Variants in MSRA observed in about 807,000 individuals in gnomAD.
MSRA encodes the protein methionine sulfoxide reductase A, also known as mitochondrial peptide methionine sulfoxide reductase.
Under a neutral mutation model 31.3 loss-of-function variants are expected in MSRA, and 54 were observed. The ratio of observed to expected loss-of-function variants is 1.73; its 90% CI spans 1.39 to 2.17. MSRA has a LOEUF of 2.17. MSRA is among the 30% of genes most tolerant of loss of function. The pLI is 0.00. For synonymous variants in MSRA, 169 were observed against 116.5 expected (o/e 1.45, Z -2.90); for missense variants, 507 against 300.9 (o/e 1.69, Z -5.07).
intron 1 of MSRA, among the ~76,000 whole-genome samples, chr8:10,054,999 C>T (rs1585051867): frequency 6.6e-6 from 1 of 152,324 alleles, no homozygotes; most frequent in Admixed American, 6.5e-5. Flanking sequence ...TGCTCGCGGG[C>T]GCCCGCGGCG....
intron 3 of MSRA, among the ~76,000 whole-genome samples, chr8:10,269,875 T>C (rs1798938636): frequency 1.3e-5 from 2 of 152,072 alleles, no homozygotes; most frequent in South Asian, 4.1e-4. Flanking sequence ...ATGGTCTCGA[T>C]CTCCTGACCT....
chr8:10,321,769 C>T (rs1027490557), intron 5 of MSRA, among the ~76,000 whole-genome samples: 1 of 152,114 alleles, frequency 6.6e-6, no homozygotes, highest in Non-Finnish European at 1.5e-5. Context: ...AGGACAAAAG[C>T]CTGCCAAGAA....
At chr8:10,092,331 T>C (rs946726368) in intron 1 of MSRA, among the ~76,000 whole-genome samples, 5 of 152,148 alleles carry the variant, frequency 3.3e-5, no homozygotes, top group Non-Finnish European at 7.3e-5. Flanking sequence ...GCCTAACATA[T>C]TGCCTGCTGG....
chr8:10,200,495 G>A (rs115366238), intron 1 of MSRA, among the ~76,000 whole-genome samples: 2,561 of 152,200 alleles, frequency 0.017, 78 homozygotes, highest in African/African-American at 0.058. Flanking sequence ...CCTTCCTGGG[G>A]GACTCCCTGC....
At chr8:10,416,963 T>C (rs1362176518) in intron 5 of MSRA, among the ~76,000 whole-genome samples, 1 of 152,218 alleles carries the variant, frequency 6.6e-6, no homozygotes, top group Non-Finnish European at 1.5e-5. Flanking sequence ...CACTGTGATT[T>C]ACCTCGAGGG....
At chr8:10,405,270 G>A (rs1807733208) in intron 5 of MSRA, among the ~76,000 whole-genome samples, 2 of 151,888 alleles carry the variant, frequency 1.3e-5, no homozygotes, top group Admixed American at 6.6e-5. Flanking sequence ...CAGGATCAGA[G>A]TATTGCCAGG....
chr8:10,204,868 G>T (rs534198583), intron 1 of MSRA, among the ~76,000 whole-genome samples: 82 of 152,328 alleles, frequency 5.4e-4, no homozygotes, highest in Non-Finnish European at 9.8e-4. Context: ...TGGAAATGGG[G>T]AGTCAGAGAG....
At chr8:10,326,234 G>T (rs1802355567) in intron 5 of MSRA, among the ~76,000 whole-genome samples, 2 of 152,224 alleles carry the variant, frequency 1.3e-5, no homozygotes, top group Admixed American at 1.3e-4. Context: ...GAAGTTTGGA[G>T]TGACAGTATT....
chr8:10,403,916 A>G (rs781407562), intron 5 of MSRA, among the ~76,000 whole-genome samples: 12 of 152,212 alleles, frequency 7.9e-5, no homozygotes, highest in Admixed American at 2.6e-4. Flanking sequence ...TTGTATGAGG[A>G]TTAAAGAAAT....
chr8:10,234,013 G>C (rs765859788), intron 2 of MSRA, among the ~76,000 whole-genome samples: 2 of 152,092 alleles, frequency 1.3e-5, no homozygotes, highest in Non-Finnish European at 2.9e-5. Flanking sequence ...GAAGACAATG[G>C]AGTAACATCT....
intron 1 of MSRA, among the ~76,000 whole-genome samples, chr8:10,146,654 A>T (rs1217620701): frequency 2.0e-5 from 3 of 152,130 alleles, no homozygotes; most frequent in Non-Finnish European, 4.4e-5. Flanking sequence ...CGGATTGTAT[A>T]CTTTAAATGG....
rs1273654626 is a variant in MSRA at position 10,428,223 on chromosome 8, T to C, written c.619T>C (p.Tyr207His). Residue 207 changes from tyrosine (Y) to histidine (H), a missense_variant, in exon 6 of 6, where the codon TAC (tyrosine) becomes CAC (histidine). Tyr to His is a moderately conservative substitution (Grantham distance 83, BLOSUM62 2). Transcript: ENST00000317173. The part of the protein sequence containing the change: ...EGQTFYYAED[Y>H]HQQYLSKNPN... ...ACAGACTTTCTACTATGCGGAAGAC[T>C]ACCACCAGCAGTACCTGAGCAAGAA... 8.1e-6 allele frequency: 13 copies of C among 1,614,054 alleles called. No homozygotes were observed. Among genetic ancestry groups the C allele is most frequent in the Non-Finnish European group, 1.1e-5 (13 of 1,180,034 alleles).
chr8:10,373,716 G>T (rs1355065792), intron 5 of MSRA, among the ~76,000 whole-genome samples: 9 of 152,242 alleles, frequency 5.9e-5, no homozygotes. Flanking sequence ...CAGGAGTGAG[G>T]GCACGTGCCG....
At chr8:10,075,707 A>C (rs1001296262) in intron 1 of MSRA, among the ~76,000 whole-genome samples, 3 of 152,244 alleles carry the variant, frequency 2.0e-5, no homozygotes, top group African/African-American at 7.2e-5. Flanking sequence ...AACAAGTTCC[A>C]CAAAGAACTC....
At chr8:10,426,964 C>G (rs866611035) in intron 5 of MSRA, among the ~76,000 whole-genome samples, 1 of 18,384 alleles carries the variant, frequency 5.4e-5, no homozygotes, top group African/African-American at 1.8e-4. Flanking sequence ...CCTTGTCGTT[C>G]CGGACCTGCT....
intron 1 of MSRA, among the ~76,000 whole-genome samples, chr8:10,074,962 T>C (rs568876811): frequency 6.6e-6 from 1 of 152,276 alleles, no homozygotes; most frequent in Admixed American, 6.5e-5. Flanking sequence ...CCCGGCACCC[T>C]GTACTTCTTT....
chr8:10,400,110 C>T (rs936406241), intron 5 of MSRA, among the ~76,000 whole-genome samples: 5 of 151,250 alleles, frequency 3.3e-5, no homozygotes, highest in Non-Finnish European at 4.4e-5. Context: ...AAACCATTGT[C>T]ATAGAAATGG....
chr8:10,345,104 G>A (rs998151276), intron 5 of MSRA, among the ~76,000 whole-genome samples: 1 of 152,126 alleles, frequency 6.6e-6, no homozygotes, highest in African/African-American at 2.4e-5. Flanking sequence ...TCTAGAGATG[G>A]TGACGCCATG....
intron 5 of MSRA, among the ~76,000 whole-genome samples, chr8:10,346,620 G>T (rs1803792892): frequency 6.6e-6 from 1 of 152,232 alleles, no homozygotes; most frequent in African/African-American, 2.4e-5. Context: ...GGAAAAGAGG[G>T]AAAGCTTCAA....
Sources: allele counts gnomAD v4.1 joint callset (sites outside exome capture counted in the v4.1 genomes callset), GRCh38; gene constraint gnomAD v4.1.1; transcripts MANE v1.5; gene names NCBI Gene and HGNC (gene_info 2026-07-23, HGNC 2026-07-21).